Variants in KCND2 observed in about 807,000 individuals in gnomAD.
The protein encoded by KCND2 is A-type voltage-gated potassium channel KCND2.
A neutral mutation model predicts 54.4 loss-of-function variants in KCND2; 16 were observed. The ratio of observed to expected loss-of-function variants is 0.29; its 90% CI spans 0.20 to 0.45. The LOEUF (loss-of-function observed/expected upper bound fraction) is 0.45. Among genes scored for constraint, KCND2 ranks in the 20% least tolerant of loss-of-function variants. KCND2 has a pLI of 1.00. For synonymous variants in KCND2, 317 were observed against 310.7 expected (o/e 1.02, Z -0.21); for missense variants, 486 against 824.2 (o/e 0.59, Z 5.02).
Position 120,699,008 on chromosome 7 carries a change from C to T in KCND2, c.1116-33895C>T, listed in dbSNP as rs182406464. On this transcript the variant is annotated intron_variant, in intron 1 of 5. Transcript: ENST00000331113. Reference sequence around the variant, plus strand: ...AAAATGGTATTAAATCAGCCGGGCACGGTGGCTCACGCCTGTAATCCCAGC... The same window carrying T: ...AAAATGGTATTAAATCAGCCGGGCATGGTGGCTCACGCCTGTAATCCCAGC... Among the ~76,000 whole-genome samples, 514 of 152,162 alleles carry T rather than the reference C, an allele frequency of 3.4e-3. 2 individuals carry two copies. Among genetic ancestry groups the T allele is most frequent in the Non-Finnish European group, 5.0e-3 (339 of 67,990 alleles).
At chr7:120,680,116 T>G (rs75611347) in intron 1 of KCND2, among the ~76,000 whole-genome samples, 1 of 152,040 alleles carries the variant, frequency 6.6e-6, no homozygotes, top group Non-Finnish European at 1.5e-5. Context: ...TTAACTGATA[T>G]AAGAAACAAC....
At chr7:120,494,304 T>C (rs1319250697) in intron 1 of KCND2, among the ~76,000 whole-genome samples, 1 of 152,128 alleles carries the variant, frequency 6.6e-6, no homozygotes, top group Non-Finnish European at 1.5e-5. Context: ...CACTTTAGTA[T>C]GCACTGCATA....
chr7:120,591,070 C>T (rs1407162353), intron 1 of KCND2, among the ~76,000 whole-genome samples: 2 of 152,134 alleles, frequency 1.3e-5, no homozygotes, highest in Non-Finnish European at 2.9e-5. Flanking sequence ...ATTTCCCACA[C>T]ATTTTCTTTG....
intron 1 of KCND2, among the ~76,000 whole-genome samples, chr7:120,350,054 ATG>A (rs1484848930): frequency 1.3e-5 from 2 of 152,118 alleles, no homozygotes; most frequent in Admixed American, 6.5e-5. Flanking sequence ...AACATAAAGA[ATG>A]TTTTACAGAT....
chr7:120,711,540 C>T (rs968674989), intron 1 of KCND2, among the ~76,000 whole-genome samples: 2 of 152,146 alleles, frequency 1.3e-5, no homozygotes, highest in African/African-American at 4.8e-5. Context: ...ACTAAATAGG[C>T]GATGGAGAAT....
intron 1 of KCND2, among the ~76,000 whole-genome samples, chr7:120,670,882 C>T (rs1010362640): frequency 6.7e-6 from 1 of 149,450 alleles, no homozygotes; most frequent in African/African-American, 2.5e-5. Context: ...GGCCACTGCA[C>T]TCCAGCCTGG....
intron 1 of KCND2, among the ~76,000 whole-genome samples, chr7:120,307,645 G>T (rs187240097): frequency 1.3e-5 from 2 of 152,180 alleles, no homozygotes; most frequent in East Asian, 3.9e-4. Flanking sequence ...TCAGATGTAT[G>T]TTGTATCACA....
chr7:120,587,543 A>T (rs1161843910), intron 1 of KCND2, among the ~76,000 whole-genome samples: 1 of 151,866 alleles, frequency 6.6e-6, no homozygotes, highest in Non-Finnish European at 1.5e-5. Context: ...TTTTTTTTCC[A>T]GACGAATAGA....
chr7:120,489,371 A>G (rs1358125533), intron 1 of KCND2, among the ~76,000 whole-genome samples: 2 of 150,300 alleles, frequency 1.3e-5, no homozygotes, highest in Non-Finnish European at 1.5e-5. Flanking sequence ...AATACATTTA[A>G]TAGAAAATAT....
At chr7:120,310,702 T>G (rs1799724945) in intron 1 of KCND2, among the ~76,000 whole-genome samples, 1 of 152,052 alleles carries the variant, frequency 6.6e-6, no homozygotes, top group Admixed American at 6.6e-5. Flanking sequence ...TTTGGGAGGC[T>G]GAGGCAGGCA....
chr7:120,401,127 G>C (rs1294677488), intron 1 of KCND2, among the ~76,000 whole-genome samples: 1 of 152,080 alleles, frequency 6.6e-6, no homozygotes, highest in Non-Finnish European at 1.5e-5. Flanking sequence ...GTTCCAATTG[G>C]ACTGCATTTG....
chr7:120,440,368 C>T (rs1801930279), intron 1 of KCND2, among the ~76,000 whole-genome samples: 1 of 151,686 alleles, frequency 6.6e-6, no homozygotes, highest in African/African-American at 2.4e-5. Flanking sequence ...TTTTGAGTTC[C>T]TTATGTATTC....
intron 1 of KCND2, among the ~76,000 whole-genome samples, chr7:120,654,615 A>C: frequency 6.6e-6 from 1 of 152,318 alleles, no homozygotes. Context: ...CTATTAGATA[A>C]ATTTTATGCA....
chr7:120,378,194 G>A (rs1316238726), intron 1 of KCND2, among the ~76,000 whole-genome samples: 1 of 151,834 alleles, frequency 6.6e-6, no homozygotes, highest in Non-Finnish European at 1.5e-5. Context: ...TATTTTAAAA[G>A]TAATTCTATA....
At chr7:120,645,573 A>G (rs1447851449) in intron 1 of KCND2, among the ~76,000 whole-genome samples, 1 of 151,872 alleles carries the variant, frequency 6.6e-6, no homozygotes, top group East Asian at 1.9e-4. Flanking sequence ...CTGACCACAT[A>G]ACATGTGGCA....
chr7:120,384,998 C>CTTTTT lies in KCND2; in HGVS notation c.1115+109271_1115+109275dup, dbSNP rs372225817. Among the ~76,000 whole-genome samples the CTTTTT allele has an allele frequency of 4.0e-3, 330 of 82,524 alleles. 35 individuals are homozygous for CTTTTT. The highest frequency in any genetic ancestry group is 6.5e-3 in the East Asian group (15 of 2,322). 54.1% of individuals were successfully genotyped at this position (82,524 alleles called of 152,430 possible). On this transcript the variant is annotated intron_variant, in intron 1 of 5. Coordinates refer to ENST00000331113, the MANE Select transcript of KCND2 (RefSeq NM_012281.3). Reference sequence around the variant, plus strand: ...TGTAAACAAAGGCATTTGTATATAACTTTTTTTTTTTTTTTTTTTTTTTTC... The same window carrying CTTTTT: ...TGTAAACAAAGGCATTTGTATATAACTTTTTTTTTTTTTTTTTTTTTTTTTTTTTC...
intron 2 of KCND2, 90 bp from the exon 3 acceptor site, chr7:120,741,444 G>A: frequency 1.1e-6 from 1 of 882,844 alleles, no homozygotes; most frequent in East Asian, 2.5e-5. Flanking sequence ...AAAATATGTA[G>A]GCTGACAATA....
intron 1 of KCND2, among the ~76,000 whole-genome samples, chr7:120,576,773 T>C (rs1792439858): frequency 6.6e-6 from 1 of 152,192 alleles, no homozygotes; most frequent in African/African-American, 2.4e-5. Context: ...CTGATGTGCT[T>C]ATTGCTTACT....
At chr7:120,644,347 A>G (rs969406659) in intron 1 of KCND2, among the ~76,000 whole-genome samples, 4 of 152,188 alleles carry the variant, frequency 2.6e-5, no homozygotes, top group Non-Finnish European at 4.4e-5. Flanking sequence ...CAGCCAGACT[A>G]TACTACAAAA....
Sources: gnomAD v4.1 joint callset for allele counts (sites outside exome capture counted in the v4.1 genomes callset) on GRCh38, gnomAD v4.1.1 for gene constraint, MANE v1.5 for transcripts, NCBI Gene and HGNC (gene_info 2026-07-23, HGNC 2026-07-21) for gene names.